TBC1D22A: variants seen among roughly 807,000 people sequenced by gnomAD.
TBC1D22A encodes the protein TBC1 domain family member 22A.
Under a neutral mutation model 60.2 loss-of-function variants are expected in TBC1D22A, and 38 were observed. The ratio of observed to expected loss-of-function variants is 0.63; its 90% CI spans 0.49 to 0.83. The LOEUF (loss-of-function observed/expected upper bound fraction) is 0.83, where lower values mean the gene tolerates loss of function less well. TBC1D22A is among the 40% of genes least tolerant of loss of function. The pLI is 0.00. For missense variants in TBC1D22A, 628 were observed against 701.0 expected, an observed-to-expected ratio of 0.90 and a Z score of 1.18; for synonymous variants, 302 against 281.7, an observed-to-expected ratio of 1.07 and a Z score of -0.72.
rs187481306 is a variant in TBC1D22A, at chr22:46,857,142, T to G, written c.638-21511T>G. Among the ~76,000 whole-genome samples the G allele has an allele frequency of 4.5e-3, 680 of 152,414 alleles. 4 individuals are homozygous for G. The highest frequency in any genetic ancestry group is 0.016 in the African/African-American group (654 of 41,608). On this transcript the variant is annotated intron_variant, in intron 4 of 12. Coordinates refer to ENST00000337137, the MANE Select transcript of TBC1D22A (RefSeq NM_014346.5). Reference sequence around the variant, plus strand: ...AGGTTTGGTTTGCCCTATGCCAACCTCAAGCCCTCACAGTTAAAAACAAAA... The same window carrying G: ...AGGTTTGGTTTGCCCTATGCCAACCGCAAGCCCTCACAGTTAAAAACAAAA...
intron 8 of TBC1D22A, among the ~76,000 whole-genome samples, chr22:46,945,539 G>A (rs1311151920): frequency 6.6e-6 from 1 of 152,172 alleles, no homozygotes; most frequent in Admixed American, 6.5e-5. Context: ...CCTAACCCAG[G>A]CTGCAGCTGT....
intron 9 of TBC1D22A, among the ~76,000 whole-genome samples, chr22:46,996,845 C>T (rs185114632): frequency 8.5e-5 from 13 of 152,164 alleles, no homozygotes; most frequent in East Asian, 1.9e-4. Context: ...GTCACTGCCC[C>T]GGTACCTGCT....
chr22:47,010,025 G>A (rs750181600), intron 10 of TBC1D22A, among the ~76,000 whole-genome samples: 17 of 152,210 alleles, frequency 1.1e-4, no homozygotes, highest in South Asian at 6.2e-4. Context: ...CCAACAAAAC[G>A]CGGTACTGGA....
chr22:47,114,275 A>G (rs12158949), intron 12 of TBC1D22A, among the ~76,000 whole-genome samples: 2 of 150,228 alleles, frequency 1.3e-5, no homozygotes, highest in South Asian at 2.1e-4. Context: ...TGTGGGGTGC[A>G]GGGTGTGGGG....
At chr22:46,962,180 G>GC (rs1270794609) in intron 8 of TBC1D22A, among the ~76,000 whole-genome samples, 12 of 152,174 alleles carry the variant, frequency 7.9e-5, no homozygotes, top group African/African-American at 2.9e-4. Context: ...CCACCTCACT[G>GC]CCCCTCCTGC....
At chr22:46,968,655 C>T (rs1451262391) in intron 8 of TBC1D22A, among the ~76,000 whole-genome samples, 1 of 151,926 alleles carries the variant, frequency 6.6e-6, no homozygotes, top group African/African-American at 2.4e-5. Flanking sequence ...ACTGCGTAGC[C>T]GGCGGTCCTG....
chr22:46,963,042 G>A (rs148392974), intron 8 of TBC1D22A, among the ~76,000 whole-genome samples: 4,666 of 150,342 alleles, frequency 0.031, 92 homozygotes, highest in South Asian at 0.064. Flanking sequence ...GTGTAACCCC[G>A]TCTCTACTAA....
rs1039298809 is a variant in TBC1D22A, at chr22:47,005,950, A to T, written c.1201+8241A>T. On this transcript the variant is annotated intron_variant, in intron 10 of 12. Transcript: ENST00000337137. Reference sequence around the variant, plus strand: ...CACACACACACCCTTATATATACACACCCCTACACATGCCTATACACACAC... The same window carrying T: ...CACACACACACCCTTATATATACACTCCCCTACACATGCCTATACACACAC... Among the ~76,000 whole-genome samples, 2 of 150,212 alleles carry T rather than the reference A, an allele frequency of 1.3e-5. 1 individual carries two copies. Among genetic ancestry groups the T allele is most frequent in the Non-Finnish European group, 3.0e-5 (2 of 67,544 alleles).
intron 8 of TBC1D22A, among the ~76,000 whole-genome samples, chr22:46,945,577 A>G (rs2072484341): frequency 6.6e-6 from 1 of 152,168 alleles, no homozygotes; most frequent in African/African-American, 2.4e-5. Flanking sequence ...TTATGGGGAA[A>G]GGTGTGACCA....
rs2074910869 is a variant in TBC1D22A at position 46,990,820 on chromosome 22, T to G, written c.1126-6814T>G. The stretch of plus-strand genomic sequence containing the variant: ...GGCTGTCTCCCTCCCGCGCCGGCGT[T>G]CGTGACGGCTCTGCTCCTCGCCGTG... On this transcript the variant is annotated intron_variant, in intron 9 of 12. Coordinates refer to ENST00000337137, the MANE Select transcript of TBC1D22A (RefSeq NM_014346.5). This position sits in a 1 kb window ranked among gnomAD's most constrained non-coding sequence, Gnocchi z 4.6. Among the ~76,000 whole-genome samples, 1 of 152,214 alleles carries G rather than the reference T, an allele frequency of 6.6e-6. No individual in the cohort carries two copies. Among genetic ancestry groups the G allele is most frequent in the Non-Finnish European group, 1.5e-5 (1 of 68,030 alleles).
chr22:46,835,035 A>G (rs1056357960), intron 4 of TBC1D22A, among the ~76,000 whole-genome samples: 1 of 152,190 alleles, frequency 6.6e-6, no homozygotes, highest in Non-Finnish European at 1.5e-5. Flanking sequence ...GAATCCTAAG[A>G]CTTACCCCCA....
At chr22:46,810,636 C>G (rs2147029638) in intron 4 of TBC1D22A, among the ~76,000 whole-genome samples, 1 of 152,290 alleles carries the variant, frequency 6.6e-6, no homozygotes, top group Admixed American at 6.5e-5. Context: ...GTGGACAGTT[C>G]AGCGGCTTTT....
intron 12 of TBC1D22A, among the ~76,000 whole-genome samples, chr22:47,125,392 T>C (rs2066418273): frequency 6.6e-6 from 1 of 152,222 alleles, no homozygotes. Context: ...ACCCAGAGCA[T>C]CTTCTGTTCC....
chr22:47,106,152 G>T (rs1310036476), intron 11 of TBC1D22A, among the ~76,000 whole-genome samples: 2 of 152,088 alleles, frequency 1.3e-5, no homozygotes, highest in Non-Finnish European at 2.9e-5. Flanking sequence ...AGAGATGGAA[G>T]ATATAAAAAG....
At chr22:46,836,307 A>G (rs895828384) in intron 4 of TBC1D22A, among the ~76,000 whole-genome samples, 9 of 152,228 alleles carry the variant, frequency 5.9e-5, no homozygotes, top group African/African-American at 1.9e-4. Context: ...TAATTATGGT[A>G]TCAATAGCAA....
Position 47,114,141 on chromosome 22 carries a change from C to T in TBC1D22A, c.1425+2538C>T, listed in dbSNP as rs989811409. ...GCTCTGCTGCTATTAGAGGGTGCAGCGTGGGCAGCTGATTAAAATGTTTGG... is the reference window on the plus strand; with the variant it reads ...GCTCTGCTGCTATTAGAGGGTGCAGTGTGGGCAGCTGATTAAAATGTTTGG... On this transcript the variant is annotated intron_variant, in intron 12 of 12. Coordinates refer to ENST00000337137, the MANE Select transcript of TBC1D22A (RefSeq NM_014346.5). Among the ~76,000 whole-genome samples, 6 of 152,096 alleles carry T rather than the reference C, an allele frequency of 3.9e-5. No homozygotes were observed. The East Asian group carries it at 5.8e-4, about 15-fold the overall frequency.
At chr22:46,894,384 G>T (rs2068560229) in intron 6 of TBC1D22A, among the ~76,000 whole-genome samples, 1 of 152,204 alleles carries the variant, frequency 6.6e-6, no homozygotes, top group African/African-American at 2.4e-5. Context: ...TGTGGCCTCT[G>T]TCCAGGAAGA....
rs1372403860 is a variant in TBC1D22A, at chr22:46,781,045, C to T, written c.63-11475C>T. ...CCATTCTCTTTCTCTTGGGCATTTCCCCCTGCCCCGACCCCCACAACTGAC... is the reference window on the plus strand; with the variant it reads ...CCATTCTCTTTCTCTTGGGCATTTCTCCCTGCCCCGACCCCCACAACTGAC... On this transcript the variant is annotated intron_variant, in intron 1 of 12. Transcript: ENST00000337137. 2.6e-5 allele frequency among the ~76,000 whole-genome samples: 4 copies of T among 152,184 alleles called. No individual in the cohort carries two copies. In the East Asian group the frequency reaches 7.7e-4, roughly 29 times the overall value.
chr22:46,785,688 T>G lies in TBC1D22A; in HGVS notation c.63-6832T>G, dbSNP rs184457828. On this transcript the variant is annotated intron_variant, in intron 1 of 12. Transcript: ENST00000337137. The stretch of plus-strand genomic sequence containing the variant: ...GTCTATTCTAGGGATTTCAAATAAA[T>G]GGAATAATATAATGTGCATTTCTTT... Among the ~76,000 whole-genome samples the G allele has an allele frequency of 8.5e-5, 13 of 152,356 alleles. No individual in the cohort carries two copies. The East Asian group carries it at 2.3e-3, about 27-fold the overall frequency.
Sources: allele counts gnomAD v4.1 joint callset (sites outside exome capture counted in the v4.1 genomes callset), GRCh38; gene constraint gnomAD v4.1.1; non-coding constraint Gnocchi (gnomAD v3.1); transcripts MANE v1.5; gene names NCBI Gene and HGNC (gene_info 2026-07-23, HGNC 2026-07-21).